Variants in WNK1 observed in about 807,000 individuals in gnomAD.
WNK1 encodes the protein serine/threonine-protein kinase WNK1.
In WNK1, 38 loss-of-function variants were observed where a neutral mutation model predicts 222.8. The observed-to-expected ratio is 0.17, with a 90% CI of 0.13 to 0.22. The LOEUF (loss-of-function observed/expected upper bound fraction) is 0.22. Ranked by LOEUF, WNK1 falls within the 10% of genes least tolerant of loss-of-function variation. WNK1 has a pLI of 1.00. For synonymous variants in WNK1, 1,090 were observed against 1,092.9 expected, an observed-to-expected ratio of 1.00 and a Z score of 0.05; for missense variants, 2,348 against 2,918.4, an observed-to-expected ratio of 0.80 and a Z score of 4.50.
intron 2 of WNK1, among the ~76,000 whole-genome samples, chr12:821,646 T>TC (rs1300478960): frequency 2.0e-5 from 3 of 152,236 alleles, no homozygotes; most frequent in Non-Finnish European, 2.9e-5. Context: ...TACTGAAGTC[T>TC]CCAACTATTA....
intron 9 of WNK1, among the ~76,000 whole-genome samples, chr12:871,831 G>A (rs1314003696): frequency 6.6e-6 from 1 of 152,156 alleles, no homozygotes; most frequent in Non-Finnish European, 1.5e-5. Context: ...TCAAACTCCT[G>A]ACCTCAGGTA....
chr12:897,415 G>C (rs1954847840), intron 24 of WNK1, 64 bp from the exon 25 acceptor site: 4 of 1,073,774 alleles, frequency 3.7e-6, no homozygotes, highest in Admixed American at 3.4e-5. Context: ...GGAATATGCT[G>C]TTAATTCTTG....
At chr12:857,433 CTG>C (rs2154062272) in intron 5 of WNK1, among the ~76,000 whole-genome samples, 184 bp downstream of exon 5, 1 of 152,246 alleles carries the variant, frequency 6.6e-6, no homozygotes, top group Admixed American at 6.5e-5. Flanking sequence ...TACTGGAACA[CTG>C]TAAAAATATG....
intron 1 of WNK1, among the ~76,000 whole-genome samples, chr12:789,067 A>G (rs1023569738): frequency 1.3e-5 from 2 of 152,218 alleles, no homozygotes; most frequent in Admixed American, 6.5e-5. Context: ...TACTGAGGCT[A>G]CATTACATCT....
intron 1 of WNK1, among the ~76,000 whole-genome samples, chr12:805,389 G>T (rs982126323): frequency 6.6e-6 from 1 of 152,134 alleles, no homozygotes; most frequent in African/African-American, 2.4e-5. Context: ...AGGAAAAAAG[G>T]ACAGTTCTTT....
At chr12:886,528 G>A (rs1330705000) in intron 19 of WNK1, among the ~76,000 whole-genome samples, 1 of 150,550 alleles carries the variant, frequency 6.6e-6, no homozygotes, top group Non-Finnish European at 1.5e-5. Context: ...AAAATTGGAA[G>A]TTAGTAAGGA....
At chr12:908,087 G>A in intron 27 of WNK1, 53 bp downstream of exon 27, 1 of 1,597,840 alleles carries the variant, frequency 6.3e-7, no homozygotes, top group Non-Finnish European at 8.6e-7. Context: ...GAGTCAAGGT[G>A]ATAGAAACAA....
chr12:871,201 G>T lies in WNK1; in HGVS notation c.2140-64G>T, dbSNP rs72649872. On this transcript the variant is annotated intron_variant, in intron 8 of 27. Coordinates refer to ENST00000315939, the MANE Select transcript of WNK1 (RefSeq NM_018979.4). ...AGGAGATTAAATATTCATTGCAAAA[G>T]CCTGACCTCTATACACTTACTTTAG... is the stretch of plus-strand genomic sequence containing the variant. The T allele has an allele frequency of 1.7e-3, 2,440 of 1,454,598 alleles. 4 individuals are homozygous for T. Among genetic ancestry groups the T allele is most frequent in the South Asian group, 3.7e-3 (323 of 87,372 alleles). The allele number at this position is 1,454,598 out of a possible 1,614,324, so 90.1% of individuals were successfully genotyped here.
intron 4 of WNK1, among the ~76,000 whole-genome samples, chr12:831,014 A>C (rs1948747878): frequency 6.6e-6 from 1 of 152,186 alleles, no homozygotes; most frequent in Non-Finnish European, 1.5e-5. Flanking sequence ...TATTTCGAGG[A>C]ATGTTCCACA....
At position 879,982 on chromosome 12, in the gene WNK1, T is replaced by C. The variant is rs770571697; in HGVS notation, c.2783T>C (p.Leu928Pro). ...CAGTCCATGGGAATACCAGCTAACC[T>C]TGGACAAGCTGCTGAGGTTCCACTT... ...AVQSMGIPAN[L>P]GQAAEVPLSS... The change falls in exon 11 of 28, where the codon CTT (leucine) becomes CCT (proline). Residue 928 changes from leucine (L) to proline (P), a missense_variant. By Grantham distance (98) the Leu-to-Pro change is moderately conservative. Around this residue, in one of 13 missense-constraint regions of WNK1, gnomAD observed 547 missense variants for 558.3 expected, o/e 0.98. Coordinates refer to ENST00000315939, the MANE Select transcript of WNK1 (RefSeq NM_018979.4). 1.2e-6 allele frequency: 2 copies of C among 1,614,202 alleles called. No homozygotes were observed. Among genetic ancestry groups the C allele is most frequent in the East Asian group, 2.2e-5 (1 of 44,894 alleles).
rs1452561327 is a variant in WNK1, at chr12:901,442, G to T, written c.6643+772G>T. On this transcript the variant is annotated intron_variant, in intron 26 of 27. Transcript: ENST00000315939. ...TATCTGACCTTCCCCCCAGAAGCTT[G>T]TTCTTCTGTGTGCCATCTTAGTGCA... The T allele has an allele frequency of 7.7e-6, 4 of 518,158 alleles. No individual in the cohort carries two copies. In the East Asian group the frequency reaches 3.1e-4, roughly 40 times the overall value. The allele number at this position is 518,158 out of a possible 1,614,324, so 32.1% of individuals were successfully genotyped here. A position where few individuals can be genotyped will look rare whatever the true frequency, so the allele number is the denominator to read the frequency against.
chr12:860,906 TCTC>T, intron 6 of WNK1, 104 bp from the exon 7 acceptor site: 2 of 1,085,276 alleles, frequency 1.8e-6, no homozygotes, highest in Non-Finnish European at 2.8e-6. Context: ...TTCCTCCTCT[TCTC>T]TACTTTTTTT....
intron 9 of WNK1, among the ~76,000 whole-genome samples, chr12:875,301 C>A (rs1482594469): frequency 6.6e-6 from 1 of 152,106 alleles, no homozygotes; most frequent in Admixed American, 6.6e-5. Flanking sequence ...GGGGAATAAC[C>A]ATGTATTCAG....
intron 4 of WNK1, among the ~76,000 whole-genome samples, chr12:844,223 C>G (rs1169044406): frequency 6.6e-6 from 1 of 152,024 alleles, no homozygotes; most frequent in Non-Finnish European, 1.5e-5. Flanking sequence ...CCTACGCCTC[C>G]TGGGTTCAAG....
intron 4 of WNK1, among the ~76,000 whole-genome samples, chr12:854,355 C>CGTT (rs1555127000): frequency 1.0e-5 from 1 of 97,742 alleles, no homozygotes; most frequent in East Asian, 3.6e-4. Flanking sequence ...TTATCATTAT[C>CGTT]TTTTTTTTTT....
At chr12:839,103 A>G (rs1480067313) in intron 4 of WNK1, among the ~76,000 whole-genome samples, 1 of 152,230 alleles carries the variant, frequency 6.6e-6, no homozygotes, top group Non-Finnish European at 1.5e-5. Flanking sequence ...GAAAGCATGT[A>G]AGAGTGGTAC....
intron 2 of WNK1, among the ~76,000 whole-genome samples, chr12:821,197 GATAA>G (rs1375334301): frequency 1.3e-5 from 2 of 152,160 alleles, no homozygotes; most frequent in East Asian, 1.9e-4. Flanking sequence ...GCATTTCATA[GATAA>G]ATAGTGTATA....
chr12:827,318 A>G lies in WNK1; in HGVS notation c.1153+56A>G, dbSNP rs776415784. On this transcript the variant is annotated intron_variant, in intron 3 of 27. Coordinates refer to ENST00000315939, the MANE Select transcript of WNK1 (RefSeq NM_018979.4). This position sits in a 1 kb window ranked among gnomAD's most constrained non-coding sequence, Gnocchi z 4.6. Reference sequence around the variant, plus strand: ...TGGCTTTCTCACATTCCTTTTATTTAGAATCCTGGCTCTGTCAGAGTTTTA... The same window carrying G: ...TGGCTTTCTCACATTCCTTTTATTTGGAATCCTGGCTCTGTCAGAGTTTTA... 1 of 1,468,888 alleles carries G rather than the reference A, an allele frequency of 6.8e-7. No individual in the cohort carries two copies. Among genetic ancestry groups the G allele is most frequent in the Non-Finnish European group, 9.5e-7 (1 of 1,048,216 alleles). 91.0% of individuals were successfully genotyped at this position (1,468,888 alleles called of 1,614,324 possible).
At chr12:784,770 G>A (rs1944102885) in intron 1 of WNK1, among the ~76,000 whole-genome samples, 1 of 152,148 alleles carries the variant, frequency 6.6e-6, no homozygotes, top group Admixed American at 6.5e-5. Context: ...ATTCTAGGTT[G>A]ATGCTTAGGT....
Sources: gnomAD v4.1 joint callset for allele counts (sites outside exome capture counted in the v4.1 genomes callset) on GRCh38, gnomAD v4.1.1 for gene constraint, gnomAD v4.1.1 regional missense constraint, Gnocchi (gnomAD v3.1) non-coding constraint, MANE v1.5 for transcripts, NCBI Gene and HGNC (gene_info 2026-07-23, HGNC 2026-07-21) for gene names.